IL23R: variants seen among roughly 807,000 people sequenced by gnomAD.
The protein encoded by IL23R is interleukin-23 receptor.
Under a neutral mutation model 56.9 loss-of-function variants are expected in IL23R, and 34 were observed. That is an observed-to-expected ratio of 0.60 (90% CI 0.45 to 0.80). IL23R has a LOEUF of 0.80. IL23R is among the 30% of genes least tolerant of loss of function. The probability of loss-of-function intolerance (pLI) is 0.00; values close to 1 mark genes in which losing one functional copy is unlikely to be tolerated. For synonymous variants in IL23R, 230 were observed against 249.2 expected (o/e 0.92, Z 0.73); for missense variants, 635 against 730.0 (o/e 0.87, Z 1.50).
At chr1:67,176,711 T>G (rs1007934734) in intron 3 of IL23R, among the ~76,000 whole-genome samples, 4 of 152,180 alleles carry the variant, frequency 2.6e-5, no homozygotes, top group African/African-American at 9.7e-5. Context: ...CATATACATG[T>G]GCCATGTTGG....
intron 4 of IL23R, among the ~76,000 whole-genome samples, chr1:67,188,511 A>C (rs1338809333): frequency 6.6e-6 from 1 of 152,218 alleles, no homozygotes; most frequent in Non-Finnish European, 1.5e-5. Context: ...GAGGATAATT[A>C]ATGCCACAAA....
At chr1:67,147,607 G>A (rs1646690993) in intron 1 of IL23R, among the ~76,000 whole-genome samples, 1 of 152,014 alleles carries the variant, frequency 6.6e-6, no homozygotes, top group Non-Finnish European at 1.5e-5. Flanking sequence ...GGCTGAGGCA[G>A]GATAATAGCT....
At chr1:67,165,896 A>C (rs1346859721), upstream of IL23R, among the ~76,000 whole-genome samples, 1 of 152,240 alleles carries the variant, frequency 6.6e-6, no homozygotes, top group African/African-American at 2.4e-5. Context: ...GATATACAGT[A>C]TGGTGACCAT....
At chr1:67,210,237 A>G (rs1222265364) in intron 6 of IL23R, among the ~76,000 whole-genome samples, 1 of 152,224 alleles carries the variant, frequency 6.6e-6, no homozygotes, top group African/African-American at 2.4e-5. Flanking sequence ...GCATAGCTGC[A>G]AGGTTCATTA....
chr1:67,219,333 A>G lies in IL23R; in HGVS notation c.799-241A>G, dbSNP rs888556440. On this transcript the variant is annotated intron_variant, in intron 6 of 10. Coordinates refer to ENST00000347310, the MANE Select transcript of IL23R (RefSeq NM_144701.3). ...CAGTGAACTGAGATCGAGCCACCGCACTCCAGCCTGGGCAATAGAGCGAGA... is the reference window on the plus strand; with the variant it reads ...CAGTGAACTGAGATCGAGCCACCGCGCTCCAGCCTGGGCAATAGAGCGAGA... Among the ~76,000 whole-genome samples the G allele has an allele frequency of 5.9e-5, 9 of 152,090 alleles. 1 individual carries two copies. The highest frequency in any genetic ancestry group is 2.2e-4 in the African/African-American group (9 of 41,402).
At chr1:67,251,649 G>A (rs1001186000) in intron 9 of IL23R, among the ~76,000 whole-genome samples, 3 of 152,114 alleles carry the variant, frequency 2.0e-5, no homozygotes, top group African/African-American at 7.2e-5. Flanking sequence ...CTCAGAGAAA[G>A]GAAAATTCAA....
At position 67,259,002 on chromosome 1, in the gene IL23R, C is replaced by A. The variant is rs1235414743; in HGVS notation, c.1764C>A (p.Thr588=). The A allele has an allele frequency of 6.2e-7, 1 of 1,613,970 alleles. No individual in the cohort carries two copies. The highest frequency in any genetic ancestry group is 8.5e-7 in the Non-Finnish European group (1 of 1,179,996). Residue 588 remains threonine (T), a synonymous_variant, in exon 11 of 11, where the codon ACC becomes ACA. Transcript: ENST00000347310. ...DSPSETIPEQ[T]LLPDEFVSCL... The stretch of plus-strand genomic sequence containing the variant: ...CCAGTGAAACTATTCCAGAACAGAC[C>A]CTGCTTCCTGATGAATTTGTCTCCT...
At chr1:67,160,460 T>A (rs984336644) in intron 1 of IL23R, among the ~76,000 whole-genome samples, 3 of 152,242 alleles carry the variant, frequency 2.0e-5, no homozygotes, top group African/African-American at 7.2e-5. Context: ...TTTGAATAGA[T>A]GGCACCCTAA....
At chr1:67,246,064 T>C (rs1652200028) in intron 9 of IL23R, among the ~76,000 whole-genome samples, 1 of 152,220 alleles carries the variant, frequency 6.6e-6, no homozygotes. Context: ...CAGGAATTTA[T>C]CCATTTCTTC....
rs1646898179 is a variant in IL23R, at chr1:67,168,305, T to C, written c.70+115T>C. The C allele has an allele frequency of 3.5e-6, 3 of 852,368 alleles. No homozygotes were observed. In the South Asian group the frequency reaches 4.2e-5, roughly 12 times the overall value. 52.8% of individuals were successfully genotyped at this position (852,368 alleles called of 1,614,324 possible). On this transcript the variant is annotated intron_variant, in intron 2 of 10. Transcript: ENST00000347310. Reference sequence around the variant, plus strand: ...CTGAAGAATACAAATATTATTAGACTAGAAAAAATGTGTGCATAAAAATTA... The same window carrying C: ...CTGAAGAATACAAATATTATTAGACCAGAAAAAATGTGTGCATAAAAATTA...
At chr1:67,236,660 G>A in intron 7 of IL23R, 53 bp from the exon 8 acceptor site, 1 of 1,153,468 alleles carries the variant, frequency 8.7e-7, no homozygotes, top group South Asian at 1.2e-5. Context: ...TGGGAAATTT[G>A]GCAAGCAGAG....
At chr1:67,162,534 A>G (rs925082636), upstream of IL23R, among the ~76,000 whole-genome samples, 10 of 152,202 alleles carry the variant, frequency 6.6e-5, no homozygotes, top group African/African-American at 2.2e-4. Context: ...TATTCCTTCG[A>G]TATCCTAGAT....
At chr1:67,247,115 TCAGAGAC>T (rs1652276564) in intron 9 of IL23R, among the ~76,000 whole-genome samples, 1 of 152,168 alleles carries the variant, frequency 6.6e-6, no homozygotes. Context: ...GTCTGTTTTA[TCAGAGAC>T]TAGGATTGCA....
chr1:67,232,878 T>G (rs1651191341), intron 7 of IL23R, among the ~76,000 whole-genome samples: 1 of 151,950 alleles, frequency 6.6e-6, no homozygotes, highest in African/African-American at 2.4e-5. Context: ...CTTGTGATAG[T>G]AAGTTCTCAT....
chr1:67,190,337 CT>C (rs1647647887), intron 4 of IL23R, among the ~76,000 whole-genome samples: 1 of 151,950 alleles, frequency 6.6e-6, no homozygotes, highest in Non-Finnish European at 1.5e-5. Flanking sequence ...TTCTTCCCAG[CT>C]CCTTTGCGGT....
intron 4 of IL23R, among the ~76,000 whole-genome samples, chr1:67,187,492 TC>T (rs1647423469): frequency 6.6e-6 from 1 of 152,230 alleles, no homozygotes; most frequent in Non-Finnish European, 1.5e-5. Flanking sequence ...TCTTTTAAAA[TC>T]CTTTAATGTG....
At chr1:67,239,322 G>A (rs1018433465) in intron 8 of IL23R, among the ~76,000 whole-genome samples, 11 of 152,260 alleles carry the variant, frequency 7.2e-5, no homozygotes, top group East Asian at 3.9e-4. Flanking sequence ...GGAGTGCAGC[G>A]GCACGACCTC....
At chr1:67,264,582 G>C (rs1002155774), downstream of IL23R, among the ~76,000 whole-genome samples, 1 of 152,100 alleles carries the variant, frequency 6.6e-6, no homozygotes, top group Non-Finnish European at 1.5e-5. Flanking sequence ...AACTTTCTTC[G>C]ATGCTGTAGT....
chr1:67,178,917 G>A (rs1324110111), intron 3 of IL23R, among the ~76,000 whole-genome samples: 11 of 152,148 alleles, frequency 7.2e-5, no homozygotes, highest in Middle Eastern at 3.2e-3. Flanking sequence ...GCTGGATTAC[G>A]TTTATTGATT....
Sources: gnomAD v4.1 joint callset for allele counts (sites outside exome capture counted in the v4.1 genomes callset) on GRCh38, gnomAD v4.1.1 for gene constraint, MANE v1.5 for transcripts, NCBI Gene and HGNC (gene_info 2026-07-23, HGNC 2026-07-21) for gene names.